The following DIP2C variants were observed in gnomAD, a reference collection of about 807,000 sequenced individuals.
DIP2C encodes DIP2 acetate--CoA ligase C (putative).
A neutral mutation model predicts 192.4 loss-of-function variants in DIP2C; 33 were observed. That is an observed-to-expected ratio of 0.17 (90% confidence interval 0.13 to 0.23). DIP2C has a LOEUF of 0.23. Ranked by LOEUF, DIP2C falls within the 10% of genes least tolerant of loss-of-function variation. The pLI, the probability that DIP2C is intolerant of heterozygous loss-of-function variation, is 1.00. For missense variants in DIP2C, 1,537 were observed against 2,110.1 expected (o/e 0.73, Z 5.32); for synonymous variants, 979 against 864.1 (o/e 1.13, Z -2.33).
intron 1 of DIP2C, among the ~76,000 whole-genome samples, chr10:658,475 A>G (rs1164849835): frequency 6.6e-6 from 1 of 152,260 alleles, no homozygotes; most frequent in Non-Finnish European, 1.5e-5. Context: ...TCCATCTGAG[A>G]GCAGCTGTCC....
intron 33 of DIP2C, among the ~76,000 whole-genome samples, chr10:287,069 A>G (rs1434541234): frequency 6.6e-6 from 1 of 151,868 alleles, no homozygotes; most frequent in Non-Finnish European, 1.5e-5. Flanking sequence ...GCAGGTAAAC[A>G]TCTTTTACTG....
intron 9 of DIP2C, 96 bp downstream of exon 9, chr10:408,830 G>T: frequency 8.4e-7 from 1 of 1,187,818 alleles, no homozygotes; most frequent in Non-Finnish European, 1.2e-6. Context: ...AATAGAAAGT[G>T]GAGGTGGCGC....
intron 32 of DIP2C, among the ~76,000 whole-genome samples, chr10:291,923 G>A (rs1302413465): frequency 6.6e-6 from 1 of 152,196 alleles, no homozygotes; most frequent in Non-Finnish European, 1.5e-5. Context: ...GGGAGCAGGA[G>A]GACTCCATGG....
intron 1 of DIP2C, among the ~76,000 whole-genome samples, chr10:524,530 T>C (rs150177051): frequency 1.7e-3 from 264 of 152,306 alleles, no homozygotes; most frequent in African/African-American, 6.1e-3. Context: ...GTATAAAACA[T>C]GGACGATAAA....
In DIP2C at chr10:657,188, T is replaced by G. The variant is rs1455501491; in HGVS notation, c.85+32306A>C. Among the ~76,000 whole-genome samples, 16 of 144,212 alleles carry G rather than the reference T, an allele frequency of 1.1e-4. No homozygotes were observed. The East Asian group carries it at 2.9e-3, about 27-fold the overall frequency. 94.6% of individuals were successfully genotyped at this position (144,212 alleles called of 152,430 possible). ...CTGATGCTGGACCTCTCCCTGGACC[T>G]GATGCTGGACCTGCCGCTGGACTTG... On this transcript the variant is annotated intron_variant, in intron 1 of 36. Transcript: ENST00000280886.
intron 17 of DIP2C, among the ~76,000 whole-genome samples, chr10:380,450 T>G (rs1962266178): frequency 6.6e-6 from 1 of 152,100 alleles, no homozygotes; most frequent in Non-Finnish European, 1.5e-5. Flanking sequence ...AGGCTGTCCC[T>G]GGATGATGGT....
intron 7 of DIP2C, among the ~76,000 whole-genome samples, 156 bp downstream of exon 7, chr10:415,613 T>C (rs181165889): frequency 1.1e-4 from 17 of 152,288 alleles, no homozygotes; most frequent in Non-Finnish European, 2.1e-4. Flanking sequence ...CAAGGCTGCC[T>C]GGGAACATCA....
At chr10:340,632 CAA>C (rs544379223) in intron 29 of DIP2C, 2 of 396,222 alleles carry the variant, frequency 5.0e-6, no homozygotes, top group Admixed American at 3.0e-5. Context: ...TATAATCAGA[CAA>C]AAAAGCCAAG....
At chr10:639,519 A>G (rs892106647) in intron 1 of DIP2C, among the ~76,000 whole-genome samples, 4 of 152,140 alleles carry the variant, frequency 2.6e-5, no homozygotes. Flanking sequence ...GGCTCTCAGT[A>G]TCAGCCGCAT....
chr10:365,518 CAG>C (rs1168162043), intron 19 of DIP2C, among the ~76,000 whole-genome samples: 2 of 152,208 alleles, frequency 1.3e-5, no homozygotes, highest in Non-Finnish European at 2.9e-5. Context: ...GCCTGAGTGA[CAG>C]AGCAAGACCC....
chr10:535,352 C>G (rs1435195304), intron 1 of DIP2C, among the ~76,000 whole-genome samples: 1 of 151,604 alleles, frequency 6.6e-6, no homozygotes, highest in Non-Finnish European at 1.5e-5. Flanking sequence ...TAACTCTCAT[C>G]TGACATGCTC....
chr10:337,965 T>C (rs555363738), intron 29 of DIP2C, among the ~76,000 whole-genome samples: 7 of 150,772 alleles, frequency 4.6e-5, no homozygotes, highest in African/African-American at 1.7e-4. Context: ...CGTGTGTGTG[T>C]GTGCGTGTGT....
At chr10:649,684 C>A in intron 1 of DIP2C, among the ~76,000 whole-genome samples, 1 of 152,284 alleles carries the variant, frequency 6.6e-6, no homozygotes, top group East Asian at 1.9e-4. Flanking sequence ...TTCAAATTCT[C>A]GATGAATAAT....
intron 1 of DIP2C, among the ~76,000 whole-genome samples, chr10:536,856 C>T (rs1847723252): frequency 6.6e-6 from 1 of 152,204 alleles, no homozygotes; most frequent in South Asian, 2.1e-4. Flanking sequence ...ATCTTCTTGA[C>T]CCCCCAGTTC....
At position 652,728 on chromosome 10, in the gene DIP2C, T is replaced by C. The variant is rs1157801528; in HGVS notation, c.85+36766A>G. The C allele has an allele frequency of 6.6e-6, 1 of 152,194 alleles. No individual in the cohort carries two copies. The highest frequency in any genetic ancestry group is 2.4e-5 in the African/African-American group (1 of 41,402). 9.4% of individuals were successfully genotyped at this position (152,194 alleles called of 1,614,324 possible). On this transcript the variant is annotated intron_variant, in intron 1 of 36. Coordinates refer to ENST00000280886, the MANE Select transcript of DIP2C (RefSeq NM_014974.3). The surrounding 1 kb of genome is among the most constrained non-coding windows in gnomAD (Gnocchi z 4.5). ...CCGGTGCTGACCCCATGAGAACACT[T>C]TGTGCGTCTTTCTAGGTATTTTCTA...
chr10:665,285 C>A (rs955700205), intron 1 of DIP2C: 1 of 152,032 alleles, frequency 6.6e-6, no homozygotes, highest in Non-Finnish European at 1.5e-5. Context: ...TCATTATTAA[C>A]CTCACTCTAC....
intron 3 of DIP2C, among the ~76,000 whole-genome samples, chr10:449,837 ATATTAATAAAC>A (rs1968699569): frequency 2.0e-5 from 3 of 151,914 alleles, no homozygotes; most frequent in African/African-American, 7.3e-5. Flanking sequence ...CATGAAGAAA[ATATTAATAAAC>A]TATTAATAAA....
chr10:318,981 C>T (rs1485448440), intron 31 of DIP2C, among the ~76,000 whole-genome samples: 1 of 151,464 alleles, frequency 6.6e-6, no homozygotes, highest in Non-Finnish European at 1.5e-5. Flanking sequence ...GGCACGATCT[C>T]GGCTCACTGC....
chr10:533,287 G>A (rs989631620), intron 1 of DIP2C, among the ~76,000 whole-genome samples: 11 of 152,080 alleles, frequency 7.2e-5, no homozygotes, highest in South Asian at 2.1e-4. Context: ...AACACTTTAC[G>A]AGGCAATCTG....
Sources: gnomAD v4.1 joint callset for allele counts (sites outside exome capture counted in the v4.1 genomes callset) on GRCh38, gnomAD v4.1.1 for gene constraint, Gnocchi (gnomAD v3.1) non-coding constraint, MANE v1.5 for transcripts, NCBI Gene and HGNC (gene_info 2026-07-23, HGNC 2026-07-21) for gene names.